OSBPL1A: variants seen among roughly 807,000 people sequenced by gnomAD.
OSBPL1A encodes the protein oxysterol binding protein like 1A.
A neutral mutation model predicts 137.1 loss-of-function variants in OSBPL1A; 80 were observed. That is an observed-to-expected ratio of 0.58 (90% CI 0.49 to 0.70). The LOEUF (loss-of-function observed/expected upper bound fraction) is 0.70. Among genes scored for constraint, OSBPL1A ranks in the 30% least tolerant of loss-of-function variants. The probability of loss-of-function intolerance (pLI) is 0.00; values close to 1 mark genes in which losing one functional copy is unlikely to be tolerated. For missense variants in OSBPL1A, 970 were observed against 1,129.4 expected (o/e 0.86, Z 2.02); for synonymous variants, 365 against 389.7 (o/e 0.94, Z 0.75).
intron 4 of OSBPL1A, among the ~76,000 whole-genome samples, chr18:24,363,456 T>C (rs1375602709): frequency 2.0e-5 from 3 of 149,716 alleles, no homozygotes; most frequent in Non-Finnish European, 3.0e-5. Context: ...CCTTTTTTTT[T>C]TTTTTTTTGA....
intron 15 of OSBPL1A, among the ~76,000 whole-genome samples, chr18:24,266,236 C>T (rs748692254): frequency 3.3e-5 from 5 of 152,152 alleles, no homozygotes; most frequent in African/African-American, 4.8e-5. Flanking sequence ...GCTTTCCCCA[C>T]GCTCTCCCTG....
intron 11 of OSBPL1A, among the ~76,000 whole-genome samples, chr18:24,315,639 T>C (rs1342373514): frequency 7.6e-6 from 1 of 131,014 alleles, no homozygotes; most frequent in Non-Finnish European, 1.5e-5. Context: ...ATATATATTA[T>C]ATAGTAAAAT....
At chr18:24,164,014 G>A (rs891511724) in intron 27 of OSBPL1A, among the ~76,000 whole-genome samples, 2 of 152,132 alleles carry the variant, frequency 1.3e-5, no homozygotes, top group Non-Finnish European at 2.9e-5. Context: ...ACAGGTGTGA[G>A]CCACCGCACC....
chr18:24,324,823 C>T lies in OSBPL1A; in HGVS notation c.626-6014G>A, dbSNP rs1223185384. Among the ~76,000 whole-genome samples the T allele has an allele frequency of 4.1e-5, 6 of 145,608 alleles. No homozygotes were observed. The East Asian group carries it at 1.2e-3, about 30-fold the overall frequency. ...AAAAAAGAGGCCAGGTGCAGTGGCT[C>T]ATGCCTGTTATCCCAGCACTTTCAG... On this transcript the variant is annotated intron_variant, in intron 7 of 27. Coordinates refer to ENST00000319481, the MANE Select transcript of OSBPL1A (RefSeq NM_080597.4).
At chr18:24,371,254 T>C (rs866696564) in intron 2 of OSBPL1A, among the ~76,000 whole-genome samples, 5 of 152,174 alleles carry the variant, frequency 3.3e-5, no homozygotes, top group South Asian at 2.1e-4. Flanking sequence ...TGAAGGCACT[T>C]CTATAAGGCC....
chr18:24,327,111 CTTTTTT>C (rs68045251), intron 7 of OSBPL1A, among the ~76,000 whole-genome samples: 97 of 137,012 alleles, frequency 7.1e-4, no homozygotes, highest in Middle Eastern at 3.8e-3. Flanking sequence ...TTTCTTTTTT[CTTTTTT>C]TTTTTTTTGA....
intron 4 of OSBPL1A, among the ~76,000 whole-genome samples, chr18:24,361,993 T>C (rs1446405256): frequency 2.9e-5 from 3 of 102,592 alleles, no homozygotes; most frequent in Non-Finnish European, 5.4e-5. Context: ...GGAGACTCCA[T>C]CTCAAAAAAA....
chr18:24,262,411 G>T (rs530065711), intron 15 of OSBPL1A, among the ~76,000 whole-genome samples: 9 of 150,404 alleles, frequency 6.0e-5, no homozygotes, highest in Non-Finnish European at 7.4e-5. Flanking sequence ...TTTGAGATAC[G>T]CCACCAGAGG....
chr18:24,389,007 T>A lies in OSBPL1A; in HGVS notation c.-3+8648A>T, dbSNP rs142471391. On this transcript the variant is annotated intron_variant, in intron 1 of 27. Transcript: ENST00000319481. ...TTTTAAGGAATCATCTAAATTCATA[T>A]GTTGAACAGATTTTTTAAAAACATT... Among the ~76,000 whole-genome samples the A allele has an allele frequency of 1.6e-3, 246 of 152,306 alleles. 2 individuals are homozygous for A. The East Asian group carries it at 0.037, about 23-fold the overall frequency.
intron 17 of OSBPL1A, among the ~76,000 whole-genome samples, chr18:24,211,565 G>C (rs370596409): frequency 2.6e-5 from 4 of 151,792 alleles, no homozygotes; most frequent in Admixed American, 6.6e-5. Context: ...CCCACCACAA[G>C]AGTCCAAAAT....
chr18:24,341,744 G>A (rs1298126373), intron 4 of OSBPL1A, 86 bp from the exon 5 acceptor site: 1 of 784,690 alleles, frequency 1.3e-6, no homozygotes, highest in Non-Finnish European at 2.0e-6. Flanking sequence ...CTACTACAGA[G>A]TCTCCACAAT....
intron 17 of OSBPL1A, among the ~76,000 whole-genome samples, chr18:24,217,056 G>A (rs1029561398): frequency 2.0e-5 from 3 of 152,086 alleles, no homozygotes; most frequent in Non-Finnish European, 2.9e-5. Context: ...AAACCAATGA[G>A]GGTCCTGTCA....
At chr18:24,394,905 G>C (rs899623527) in intron 1 of OSBPL1A, among the ~76,000 whole-genome samples, 7 of 152,114 alleles carry the variant, frequency 4.6e-5, no homozygotes, top group African/African-American at 1.4e-4. Flanking sequence ...CCTAGTAATA[G>C]CATTAAAACT....
At chr18:24,343,028 A>G (rs1472126239) in intron 4 of OSBPL1A, among the ~76,000 whole-genome samples, 1 of 152,080 alleles carries the variant, frequency 6.6e-6, no homozygotes, top group Non-Finnish European at 1.5e-5. Context: ...TAAATAGTTC[A>G]TATTAATTAA....
Position 24,298,570 on chromosome 18 carries a change from C to A in OSBPL1A, c.1174+5067G>T, listed in dbSNP as rs565801507. Among the ~76,000 whole-genome samples the A allele has an allele frequency of 7.9e-5, 12 of 152,318 alleles. No individual in the cohort carries two copies. The South Asian group carries it at 2.5e-3, about 32-fold the overall frequency. The stretch of plus-strand genomic sequence containing the variant: ...CCGTGTTAGCCAGGATGGTCTCGAT[C>A]TCCGGACCTCGTGTTCCACCCACCT... On this transcript the variant is annotated intron_variant, in intron 14 of 27. Coordinates refer to ENST00000319481, the MANE Select transcript of OSBPL1A (RefSeq NM_080597.4).
chr18:24,254,094 G>T (rs2089193689), intron 15 of OSBPL1A, among the ~76,000 whole-genome samples: 1 of 152,182 alleles, frequency 6.6e-6, no homozygotes, highest in Non-Finnish European at 1.5e-5. Context: ...GATGGAGTTG[G>T]TTAGGTCTTA....
chr18:24,173,044 T>C (rs2086328951), intron 21 of OSBPL1A, among the ~76,000 whole-genome samples: 1 of 152,152 alleles, frequency 6.6e-6, no homozygotes, highest in Admixed American at 6.5e-5. Context: ...GTGGCACACA[T>C]ACACCATGGA....
In OSBPL1A at chr18:24,393,052, TATTAAAG is replaced by T. The variant is rs559379524; in HGVS notation, c.-3+4596_-3+4602del. On this transcript the variant is annotated intron_variant, in intron 1 of 27. Coordinates refer to ENST00000319481, the MANE Select transcript of OSBPL1A (RefSeq NM_080597.4). ...TTATATTCTTTTAATACCAGCAAGG[TATTAAAG>T]ATTAAAGTAACTACATAAAAACATG... 3.1e-4 allele frequency among the ~76,000 whole-genome samples: 47 copies of T among 152,258 alleles called. No homozygotes were observed. In the South Asian group the frequency reaches 8.1e-3, roughly 26 times the overall value.
intron 18 of OSBPL1A, among the ~76,000 whole-genome samples, chr18:24,189,661 C>T (rs868630294): frequency 1.3e-5 from 2 of 152,316 alleles, no homozygotes; most frequent in African/African-American, 4.8e-5. Flanking sequence ...CAGTTCCCCC[C>T]GCTCCACACG....
Sources: gnomAD v4.1 joint callset for allele counts (sites outside exome capture counted in the v4.1 genomes callset) on GRCh38, gnomAD v4.1.1 for gene constraint, MANE v1.5 for transcripts, NCBI Gene and HGNC (gene_info 2026-07-23, HGNC 2026-07-21) for gene names.